C12orf75: variants seen among roughly 807,000 people sequenced by gnomAD.
C12orf75 encodes the protein overexpressed in colon carcinoma 1 protein.
Under a neutral mutation model 11.4 loss-of-function variants are expected in C12orf75, and 4 were observed. The ratio of observed to expected loss-of-function variants is 0.35; its 90% CI spans 0.17 to 0.80. C12orf75 has a LOEUF of 0.80. Ranked by LOEUF, C12orf75 falls within the 30% of genes least tolerant of loss-of-function variation. The pLI, the probability that C12orf75 is intolerant of heterozygous loss-of-function variation, is 0.52. For synonymous variants in C12orf75, 30 were observed against 30.0 expected (o/e 1.00, Z 0.00); for missense variants, 89 against 80.4 (o/e 1.11, Z -0.41).
At chr12:105,332,746 A>AAAAAAG (rs1555264701) in intron 1 of C12orf75, among the ~76,000 whole-genome samples, 2 of 145,560 alleles carry the variant, frequency 1.4e-5, no homozygotes, top group Non-Finnish European at 3.1e-5. Context: ...AAAAAAAAAA[A>AAAAAAG]AAAAGAAAAG....
intron 2 of C12orf75, among the ~76,000 whole-genome samples, chr12:105,365,143 C>T (rs1185186814): frequency 6.6e-6 from 1 of 152,082 alleles, no homozygotes; most frequent in African/African-American, 2.4e-5. Flanking sequence ...AGCTTGGATT[C>T]CTCTTAATGC....
intron 3 of C12orf75, chr12:105,366,085 C>G: frequency 4.0e-6 from 2 of 502,432 alleles, no homozygotes; most frequent in South Asian, 5.8e-5. Context: ...ATCCTATGAC[C>G]TTTGGGTGTG....
At chr12:105,358,783 C>T (rs890491143) in intron 2 of C12orf75, among the ~76,000 whole-genome samples, 1 of 152,140 alleles carries the variant, frequency 6.6e-6, no homozygotes, top group Non-Finnish European at 1.5e-5. Context: ...AGTAGTGGCT[C>T]GTGTGCAACT....
chr12:105,359,731 A>G (rs1223623196), intron 2 of C12orf75, among the ~76,000 whole-genome samples: 1 of 149,448 alleles, frequency 6.7e-6, no homozygotes, highest in African/African-American at 2.5e-5. Flanking sequence ...AGATCACACC[A>G]CTGCACTCCA....
chr12:105,334,689 G>A (rs1892478311), intron 1 of C12orf75, among the ~76,000 whole-genome samples: 1 of 152,160 alleles, frequency 6.6e-6, no homozygotes, highest in Admixed American at 6.5e-5. Context: ...GGGAGCTTTT[G>A]CACTCTCGCT....
At chr12:105,340,332 G>A (rs1892553415) in intron 1 of C12orf75, among the ~76,000 whole-genome samples, 1 of 151,420 alleles carries the variant, frequency 6.6e-6, no homozygotes, top group Admixed American at 6.6e-5. Context: ...CGCTGAGGCA[G>A]GAGAATCGCT....
intron 2 of C12orf75, among the ~76,000 whole-genome samples, chr12:105,357,251 G>A (rs1337030918): frequency 6.6e-6 from 1 of 152,242 alleles, no homozygotes; most frequent in East Asian, 1.9e-4. Context: ...GTTTTAGTAA[G>A]TTCACAGGAA....
At chr12:105,332,930 GAA>G (rs35954124) in intron 1 of C12orf75, among the ~76,000 whole-genome samples, 4 of 123,596 alleles carry the variant, frequency 3.2e-5, no homozygotes, top group Admixed American at 8.3e-5. Context: ...AAGTCATATT[GAA>G]AAAAAAAAAA....
intron 2 of C12orf75, among the ~76,000 whole-genome samples, chr12:105,348,902 AT>A (rs5800663): frequency 2.0e-4 from 30 of 150,992 alleles, no homozygotes; most frequent in South Asian, 4.2e-4. Flanking sequence ...TGGTATAGAG[AT>A]TTTTTTTTTC....
rs141331649 is a variant in C12orf75, at chr12:105,345,351, G to A, written c.47-3251G>A. On this transcript the variant is annotated intron_variant, in intron 1 of 5. Transcript: ENST00000443585. The stretch of plus-strand genomic sequence containing the variant: ...TAAAAAATACAAAAATAAGCCAGGC[G>A]TGGTGGTGCACGCCTGTAATCCCAG... 2.6e-3 allele frequency among the ~76,000 whole-genome samples: 390 copies of A among 151,970 alleles called. 1 individual carries two copies. The highest frequency in any genetic ancestry group is 9.0e-3 in the African/African-American group (372 of 41,462).
chr12:105,349,950 T>C (rs868780568), intron 2 of C12orf75, among the ~76,000 whole-genome samples: 12 of 152,210 alleles, frequency 7.9e-5, no homozygotes, highest in Non-Finnish European at 7.3e-5. Flanking sequence ...AGAATGGGAT[T>C]GTAAAGCTTT....
chr12:105,364,049 T>C (rs1332114545), intron 2 of C12orf75, among the ~76,000 whole-genome samples: 21 of 152,190 alleles, frequency 1.4e-4, no homozygotes, highest in Non-Finnish European at 7.3e-5. Context: ...TAAACGGATA[T>C]GTAAATGGAT....
At chr12:105,364,686 C>A (rs971856454) in intron 2 of C12orf75, among the ~76,000 whole-genome samples, 2 of 152,074 alleles carry the variant, frequency 1.3e-5, no homozygotes, top group Non-Finnish European at 2.9e-5. Flanking sequence ...CTTAGTGTTA[C>A]AAGTTGAATT....
intron 1 of C12orf75, among the ~76,000 whole-genome samples, chr12:105,348,318 G>A (rs1189151535): frequency 1.3e-5 from 2 of 151,836 alleles, no homozygotes; most frequent in Non-Finnish European, 2.9e-5. Context: ...AGGAGGCTGA[G>A]GTGTGAGGAT....
chr12:105,358,388 G>C (rs994397229), intron 2 of C12orf75, among the ~76,000 whole-genome samples: 5 of 152,142 alleles, frequency 3.3e-5, no homozygotes, highest in Non-Finnish European at 5.9e-5. Flanking sequence ...CAGGTGCGGG[G>C]TGTGCGCCTG....
At chr12:105,368,017 A>G (rs1235193143) in intron 5 of C12orf75, among the ~76,000 whole-genome samples, 1 of 152,228 alleles carries the variant, frequency 6.6e-6, no homozygotes, top group East Asian at 1.9e-4. Context: ...AGATGTAGTT[A>G]TGCAGGAAGG....
chr12:105,346,677 A>T (rs1892645260), intron 1 of C12orf75, among the ~76,000 whole-genome samples: 1 of 152,242 alleles, frequency 6.6e-6, no homozygotes, highest in Non-Finnish European at 1.5e-5. Flanking sequence ...CAAAGCCTTA[A>T]AAGAATTCGT....
At position 105,330,919 on chromosome 12, in the gene C12orf75, A is replaced by G; in HGVS notation, c.28A>G (p.Ser10Gly). Residue 10 changes from serine to glycine, a missense_variant, in exon 1 of 6, where the codon AGC becomes GGC. Physicochemically the swap from Ser to Gly is moderately conservative, Grantham distance 56. Transcript: ENST00000443585. MGCGNSTAT[S>G]AGAGQGPAGA... Reference sequence around the variant, plus strand: ...GGGCTGCGGGAACTCCACCGCCACCAGCGCGGGCGCGGGCCAAGGTGAGTC... The same window carrying G: ...GGGCTGCGGGAACTCCACCGCCACCGGCGCGGGCGCGGGCCAAGGTGAGTC... 1 of 1,238,906 alleles carries G rather than the reference A, an allele frequency of 8.1e-7. No individual in the cohort carries two copies. The highest frequency in any genetic ancestry group is 1.0e-6 in the Non-Finnish European group (1 of 993,990). The allele number at this position is 1,238,906 out of a possible 1,614,324, so 76.7% of individuals were successfully genotyped here. A position where few individuals can be genotyped will look rare whatever the true frequency, so the allele number is the denominator to read the frequency against.
At chr12:105,350,879 G>A (rs1335207830) in intron 2 of C12orf75, among the ~76,000 whole-genome samples, 9 of 152,040 alleles carry the variant, frequency 5.9e-5, no homozygotes, top group Admixed American at 3.9e-4. Flanking sequence ...AGAATTAACC[G>A]TTCCAGGATG....
Sources: gnomAD v4.1 joint callset for allele counts (sites outside exome capture counted in the v4.1 genomes callset) on GRCh38, gnomAD v4.1.1 for gene constraint, MANE v1.5 for transcripts, NCBI Gene and HGNC (gene_info 2026-07-23, HGNC 2026-07-21) for gene names.